THSD7B: variants seen among roughly 807,000 people sequenced by gnomAD.
THSD7B encodes thrombospondin type-1 domain-containing protein 7B.
A neutral mutation model predicts 213.6 loss-of-function variants in THSD7B; 138 were observed. The ratio of observed to expected loss-of-function variants is 0.65; its 90% CI spans 0.56 to 0.74. THSD7B has a LOEUF of 0.74. Among genes scored for constraint, THSD7B ranks in the 30% least tolerant of loss-of-function variants. The probability of loss-of-function intolerance (pLI) is 0.00; values close to 1 mark genes in which losing one functional copy is unlikely to be tolerated. For synonymous variants in THSD7B, 742 were observed against 687.0 expected (o/e 1.08, Z -1.25); for missense variants, 1,931 against 1,991.5 (o/e 0.97, Z 0.58).
rs112143428 is a variant in THSD7B, at chr2:137,187,493, C to T, written c.1723+16555C>T. 2.5e-3 allele frequency among the ~76,000 whole-genome samples: 384 copies of T among 152,252 alleles called. 4 individuals carry two copies. Among genetic ancestry groups the T allele is most frequent in the African/African-American group, 8.9e-3 (371 of 41,552 alleles). On this transcript the variant is annotated intron_variant, in intron 7 of 27. Coordinates refer to ENST00000409968, the MANE Select transcript of THSD7B (RefSeq NM_001316349.2). Reference sequence around the variant, plus strand: ...TTTGCCTGAAGAACTGTCCTGAAACCATGTTTGTAATCTTGAATAAATGCG... The same window carrying T: ...TTTGCCTGAAGAACTGTCCTGAAACTATGTTTGTAATCTTGAATAAATGCG...
chr2:136,787,352 C>T (rs1681880609), intron 1 of THSD7B, among the ~76,000 whole-genome samples: 1 of 151,928 alleles, frequency 6.6e-6, no homozygotes, highest in Non-Finnish European at 1.5e-5. Context: ...TAAGCCCTCT[C>T]TTTTTTAGCT....
At chr2:136,926,081 A>G (rs1684516671) in intron 2 of THSD7B, among the ~76,000 whole-genome samples, 1 of 152,058 alleles carries the variant, frequency 6.6e-6, no homozygotes, top group African/African-American at 2.4e-5. Context: ...CACCAAGAAA[A>G]CAACAAACAA....
chr2:137,410,597 G>A (rs1478580133), intron 13 of THSD7B, among the ~76,000 whole-genome samples: 1 of 152,064 alleles, frequency 6.6e-6, no homozygotes, highest in Non-Finnish European at 1.5e-5. Context: ...GCAAACATAA[G>A]CATCATGGCA....
intron 15 of THSD7B, among the ~76,000 whole-genome samples, chr2:137,482,343 C>T (rs1688327229): frequency 1.3e-5 from 2 of 152,144 alleles, no homozygotes; most frequent in South Asian, 4.1e-4. Flanking sequence ...CATAAATTCT[C>T]ATGTTCAAAT....
chr2:136,831,223 A>T, intron 1 of THSD7B, among the ~76,000 whole-genome samples: 1 of 147,416 alleles, frequency 6.8e-6, no homozygotes, highest in Non-Finnish European at 1.5e-5. Context: ...TCCTAACAGT[A>T]TTTTTACATT....
At chr2:137,022,193 G>T (rs764308079) in intron 2 of THSD7B, among the ~76,000 whole-genome samples, 9 of 152,080 alleles carry the variant, frequency 5.9e-5, no homozygotes, top group Non-Finnish European at 1.2e-4. Flanking sequence ...TTATTTAACT[G>T]GGATAAATGC....
chr2:137,504,910 G>A (rs1234525165), intron 15 of THSD7B, among the ~76,000 whole-genome samples: 1 of 152,158 alleles, frequency 6.6e-6, no homozygotes, highest in African/African-American at 2.4e-5. Context: ...ATACAGTGGT[G>A]CTGGGAGAGC....
At chr2:136,777,597 AG>A (rs1243907786) in intron 1 of THSD7B, among the ~76,000 whole-genome samples, 1 of 152,202 alleles carries the variant, frequency 6.6e-6, no homozygotes, top group Non-Finnish European at 1.5e-5. Context: ...GGACTGGCAA[AG>A]TTCCCATGAT....
At chr2:136,990,866 G>A (rs372792358) in intron 2 of THSD7B, 1 of 1,333,028 alleles carries the variant, frequency 7.5e-7, no homozygotes, top group South Asian at 1.2e-5. Flanking sequence ...TTCCCTTTAA[G>A]AAGTAAAATA....
chr2:137,397,087 G>C (rs60005569), intron 12 of THSD7B, among the ~76,000 whole-genome samples: 12,511 of 147,598 alleles, frequency 0.085, 1,176 homozygotes, highest in African/African-American at 0.22. Flanking sequence ...TTCCTGAATA[G>C]AGCACACTGA....
At chr2:136,786,241 G>T (rs982096060) in intron 1 of THSD7B, among the ~76,000 whole-genome samples, 1 of 152,114 alleles carries the variant, frequency 6.6e-6, no homozygotes, top group Non-Finnish European at 1.5e-5. Context: ...TGATCTGTCT[G>T]TCGGTATACA....
At chr2:136,936,939 C>G (rs1684744524) in intron 2 of THSD7B, among the ~76,000 whole-genome samples, 1 of 152,020 alleles carries the variant, frequency 6.6e-6, no homozygotes, top group African/African-American at 2.4e-5. Flanking sequence ...ATGTCTCTTC[C>G]CCTTTTTAAT....
At chr2:137,209,579 A>G (rs1429013666) in intron 7 of THSD7B, among the ~76,000 whole-genome samples, 6 of 152,088 alleles carry the variant, frequency 3.9e-5, no homozygotes. Context: ...TTTGTTTAAC[A>G]TTGAAATTTA....
chr2:137,529,109 A>G (rs1379968888), intron 15 of THSD7B, among the ~76,000 whole-genome samples: 1 of 152,094 alleles, frequency 6.6e-6, no homozygotes, highest in Non-Finnish European at 1.5e-5. Context: ...CACTTCATGG[A>G]GACAGTACTT....
intron 9 of THSD7B, among the ~76,000 whole-genome samples, chr2:137,239,181 G>T (rs190805659): frequency 1.3e-5 from 2 of 151,936 alleles, no homozygotes; most frequent in African/African-American, 4.8e-5. Context: ...ACTTGCAAAA[G>T]TTGTACAGAG....
chr2:136,935,260 CT>C (rs1269827587), intron 2 of THSD7B, among the ~76,000 whole-genome samples: 1 of 152,012 alleles, frequency 6.6e-6, no homozygotes, highest in Non-Finnish European at 1.5e-5. Context: ...GAGTGAGACC[CT>C]TTTGAACACT....
intron 7 of THSD7B, among the ~76,000 whole-genome samples, chr2:137,182,238 G>A (rs948511132): frequency 6.6e-6 from 1 of 152,164 alleles, no homozygotes; most frequent in African/African-American, 2.4e-5. Flanking sequence ...TAGGAACTTG[G>A]CAGGGAGCAC....
rs1686063122 is a variant in THSD7B at position 137,392,744 on chromosome 2, A to G, written c.2501-12869A>G. 2.0e-5 allele frequency among the ~76,000 whole-genome samples: 3 copies of G among 152,030 alleles called. No homozygotes were observed. The South Asian group carries it at 6.2e-4, about 32-fold the overall frequency. On this transcript the variant is annotated intron_variant, in intron 12 of 27. Transcript: ENST00000409968. Reference sequence around the variant, plus strand: ...GGAGGAGCATAAATTTAATCCATCTATGTCTTTTAAAAGGAATGTAAATTT... The same window carrying G: ...GGAGGAGCATAAATTTAATCCATCTGTGTCTTTTAAAAGGAATGTAAATTT...
chr2:137,244,354 A>G (rs1190184153), intron 10 of THSD7B, among the ~76,000 whole-genome samples: 3 of 152,200 alleles, frequency 2.0e-5, no homozygotes, highest in African/African-American at 7.2e-5. Context: ...ATACCCCACC[A>G]GCAGCCAGAA....
Sources: gnomAD v4.1 joint callset for allele counts (sites outside exome capture counted in the v4.1 genomes callset) on GRCh38, gnomAD v4.1.1 for gene constraint, MANE v1.5 for transcripts, NCBI Gene and HGNC (gene_info 2026-07-23, HGNC 2026-07-21) for gene names.